Variants in RASA1 observed in about 807,000 individuals in gnomAD.
The protein encoded by RASA1 is RAS p21 protein activator 1.
RASA1 carries 25 observed loss-of-function variants against 132.2 expected under a neutral mutation model. The ratio of observed to expected loss-of-function variants is 0.19; its 90% CI spans 0.14 to 0.26. RASA1 has a LOEUF of 0.26. Among genes scored for constraint, RASA1 ranks in the 10% least tolerant of loss-of-function variants. RASA1 has a pLI of 1.00. For missense variants in RASA1, 964 were observed against 1,299.2 expected, an observed-to-expected ratio of 0.74 and a Z score of 3.97; for synonymous variants, 477 against 449.9, an observed-to-expected ratio of 1.06 and a Z score of -0.76.
chr5:87,361,675 T>C (rs538198962), intron 9 of RASA1, among the ~76,000 whole-genome samples: 12 of 152,186 alleles, frequency 7.9e-5, no homozygotes, highest in Non-Finnish European at 1.5e-4. Context: ...ATGTAAGTTC[T>C]GCTATAATGT....
intron 1 of RASA1, among the ~76,000 whole-genome samples, chr5:87,277,953 A>G (rs1398401924): frequency 6.6e-6 from 1 of 152,242 alleles, no homozygotes; most frequent in East Asian, 1.9e-4. Context: ...TATCCTATGG[A>G]TAAGCTGTTA....
intron 1 of RASA1, 164 bp downstream of exon 1, chr5:87,269,154 C>G: frequency 6.2e-7 from 1 of 1,612,832 alleles, no homozygotes; most frequent in East Asian, 2.2e-5. Context: ...ACTTATCTTC[C>G]TTACAGGCAT....
intron 12 of RASA1, 33 bp downstream of exon 12, chr5:87,369,933 T>C: frequency 6.6e-7 from 1 of 1,522,084 alleles, no homozygotes; most frequent in Non-Finnish European, 9.1e-7. Context: ...TACAGTATAC[T>C]TTTATGTTAG....
chr5:87,285,717 CA>C (rs1401348762), intron 1 of RASA1, among the ~76,000 whole-genome samples: 2 of 148,102 alleles, frequency 1.4e-5, no homozygotes, highest in Non-Finnish European at 3.0e-5. Context: ...CTCCCAGGTT[CA>C]AGCGATTCTT....
chr5:87,331,278 T>A lies in RASA1; in HGVS notation c.540-70T>A, dbSNP rs144120705. 5.9e-4 allele frequency: 862 copies of A among 1,465,762 alleles called. 6 individuals are homozygous for A. In the African/African-American group the frequency reaches 0.011, roughly 19 times the overall value. 90.8% of individuals were successfully genotyped at this position (1,465,762 alleles called of 1,614,324 possible). A position where few individuals can be genotyped will look rare whatever the true frequency, so the allele number is the denominator to read the frequency against. On this transcript the variant is annotated intron_variant, in intron 1 of 24. Coordinates refer to ENST00000274376, the MANE Select transcript of RASA1 (RefSeq NM_002890.3). ...GGCATTTAAAACCTCTAGTAGTATG[T>A]TTTTCAAGTGTCCATAGAAATTCTG...
intron 1 of RASA1, among the ~76,000 whole-genome samples, chr5:87,311,223 T>C (rs1412818007): frequency 6.6e-6 from 1 of 152,186 alleles, no homozygotes; most frequent in Non-Finnish European, 1.5e-5. Flanking sequence ...AGACATTTTC[T>C]TGAAAAAGAA....
intron 1 of RASA1, among the ~76,000 whole-genome samples, chr5:87,296,116 CT>C (rs542473809): frequency 7.8e-4 from 114 of 146,154 alleles, no homozygotes; most frequent in South Asian, 1.5e-3. Context: ...TACAACCAGC[CT>C]TTTTTTTTTT....
At position 87,378,375 on chromosome 5, in the gene RASA1, C is replaced by T. The variant is rs774161215; in HGVS notation, c.2345-21C>T. On this transcript the variant is annotated intron_variant, in intron 17 of 24. Transcript: ENST00000274376. Reference sequence around the variant, plus strand: ...AGGTCAGTCCTTTACAAATAATCTTCTAATGTAAATATTTGTGTAGATGAA... The same window carrying T: ...AGGTCAGTCCTTTACAAATAATCTTTTAATGTAAATATTTGTGTAGATGAA... 22 of 1,610,974 alleles carry T rather than the reference C, an allele frequency of 1.4e-5. No individual in the cohort carries two copies. In the Middle Eastern group the frequency reaches 6.6e-4, roughly 48 times the overall value.
intron 1 of RASA1, chr5:87,269,326 G>C: frequency 6.5e-7 from 1 of 1,533,288 alleles, no homozygotes; most frequent in Non-Finnish European, 8.7e-7. Context: ...GGCTACCAAG[G>C]CAGTCATAGT....
chr5:87,376,710 A>G (rs529868312), intron 16 of RASA1, 145 bp downstream of exon 16: 331 of 1,261,428 alleles, frequency 2.6e-4, no homozygotes, highest in Middle Eastern at 2.2e-3. Context: ...TTTATACTGT[A>G]ATTTTGGTAG....
chr5:87,337,770 T>C (rs574588720), intron 4 of RASA1, among the ~76,000 whole-genome samples: 38 of 152,196 alleles, frequency 2.5e-4, no homozygotes, highest in African/African-American at 7.7e-4. Context: ...ACTCATGAGG[T>C]AATTAAAATT....
chr5:87,383,435 A>G (rs1391841993), intron 20 of RASA1, among the ~76,000 whole-genome samples: 2 of 152,188 alleles, frequency 1.3e-5, no homozygotes, highest in Non-Finnish European at 2.9e-5. Context: ...GACAGTAAAT[A>G]CTACAGATAA....
chr5:87,339,324 G>T (rs1478397853), intron 5 of RASA1, among the ~76,000 whole-genome samples: 1 of 152,144 alleles, frequency 6.6e-6, no homozygotes. Flanking sequence ...TAGTGAAAGA[G>T]CTAGGATTAG....
At chr5:87,340,855 A>G (rs1417921566) in intron 5 of RASA1, among the ~76,000 whole-genome samples, 1 of 152,182 alleles carries the variant, frequency 6.6e-6, no homozygotes, top group Non-Finnish European at 1.5e-5. Context: ...ACCATGGTAT[A>G]GGAACCAAAA....
At chr5:87,354,879 G>T (rs917147785) in intron 9 of RASA1, among the ~76,000 whole-genome samples, 4 of 152,134 alleles carry the variant, frequency 2.6e-5, no homozygotes, top group African/African-American at 9.7e-5. Context: ...AATTTGAGTG[G>T]TCTGGATTGA....
rs950805863 is a variant in RASA1 at position 87,391,217 on chromosome 5, T to G, written c.*334T>G. On this transcript the variant is annotated 3_prime_UTR_variant, in exon 25 of 25. Transcript: ENST00000274376. ...CAAAATATATTTTCAGTACACCCAG[T>G]TGCCAAAGTTTTGCTGTCTCTTAGA... The G allele has an allele frequency of 4.6e-6, 2 of 438,786 alleles. No homozygotes were observed. Among genetic ancestry groups the G allele is most frequent in the African/African-American group, 3.9e-5 (2 of 51,386 alleles). 27.2% of individuals were successfully genotyped at this position (438,786 alleles called of 1,614,324 possible).
intron 15 of RASA1, among the ~76,000 whole-genome samples, chr5:87,375,162 C>T (rs1297981112): frequency 6.6e-6 from 1 of 152,156 alleles, no homozygotes; most frequent in African/African-American, 2.4e-5. Context: ...TTTAGCCACC[C>T]TCCTTTCTCC....
intron 9 of RASA1, among the ~76,000 whole-genome samples, chr5:87,353,938 G>A (rs1759462957): frequency 6.6e-6 from 1 of 152,088 alleles, no homozygotes; most frequent in South Asian, 2.1e-4. Flanking sequence ...AGAAAAAGGT[G>A]CTTCAAAAGA....
intron 5 of RASA1, among the ~76,000 whole-genome samples, chr5:87,340,917 G>A (rs560557482): frequency 8.1e-4 from 123 of 152,086 alleles, no homozygotes; most frequent in African/African-American, 2.8e-3. Context: ...TGTGGTAAAC[G>A]ACTTCAGTTG....
Sources: allele counts gnomAD v4.1 joint callset (sites outside exome capture counted in the v4.1 genomes callset), GRCh38; gene constraint gnomAD v4.1.1; transcripts MANE v1.5; gene names NCBI Gene and HGNC (gene_info 2026-07-23, HGNC 2026-07-21).